The following CTDP1 variants were observed in gnomAD, a reference collection of about 807,000 sequenced individuals.
The protein encoded by CTDP1 is RNA polymerase II subunit A C-terminal domain phosphatase.
In CTDP1, 47 loss-of-function variants were observed where a neutral mutation model predicts 91.8. That is an observed-to-expected ratio of 0.51 (90% CI 0.41 to 0.65). CTDP1 has a LOEUF of 0.65. Ranked by LOEUF, CTDP1 falls within the 30% of genes least tolerant of loss-of-function variation. CTDP1 has a pLI of 0.00. For missense variants in CTDP1, 1,272 were observed against 1,373.7 expected (o/e 0.93, Z 1.17); for synonymous variants, 656 against 598.5 (o/e 1.10, Z -1.40).
chr18:79,754,195 G>A lies in CTDP1; in HGVS notation c.*405G>A, dbSNP rs983597376. On this transcript the variant is annotated 3_prime_UTR_variant, in exon 13 of 13. Coordinates refer to ENST00000613122, the MANE Select transcript of CTDP1 (RefSeq NM_004715.5). ...TTTAAGCAGGACAGTGTGCGTGCACGAGCTCCGAGCCCAGCACAGACATGC... is the reference window on the plus strand; with the variant it reads ...TTTAAGCAGGACAGTGTGCGTGCACAAGCTCCGAGCCCAGCACAGACATGC... 3.5e-6 allele frequency: 1 copy of A among 287,916 alleles called. No individual in the cohort carries two copies. Among genetic ancestry groups the A allele is most frequent in the South Asian group, 3.3e-5 (1 of 30,014 alleles). The allele number at this position is 287,916 out of a possible 1,614,324, so 17.8% of individuals were successfully genotyped here. A position where few individuals can be genotyped will look rare whatever the true frequency, so the allele number is the denominator to read the frequency against.
At chr18:79,731,854 T>A (rs1490002840) in intron 11 of CTDP1, among the ~76,000 whole-genome samples, 1 of 152,166 alleles carries the variant, frequency 6.6e-6, no homozygotes, top group Non-Finnish European at 1.5e-5. Flanking sequence ...CCAGGAGTGC[T>A]CCCAAGATCA....
Position 79,713,523 on chromosome 18 carries a change from T to A in CTDP1, c.1030+385T>A, listed in dbSNP as rs1004020750. Among the ~76,000 whole-genome samples the A allele has an allele frequency of 3.3e-5, 5 of 152,318 alleles. 1 individual carries two copies. Among genetic ancestry groups the A allele is most frequent in the African/African-American group, 1.2e-4 (5 of 41,578 alleles). On this transcript the variant is annotated intron_variant, in intron 7 of 12. Coordinates refer to ENST00000613122, the MANE Select transcript of CTDP1 (RefSeq NM_004715.5). The surrounding 1 kb of genome is among the most constrained non-coding windows in gnomAD (Gnocchi z 4.7). ...CTCTGCGGGGAATAACCGTTCCCCA[T>A]GCGCAGTGGTCAGGCTGGGCGCTGG...
rs966149398 is a variant in CTDP1, at chr18:79,754,355, C to T, written c.*565C>T. The stretch of plus-strand genomic sequence containing the variant: ...CACGTGGCCTGGGCTGCCATCCTGC[C>T]GTCCTCCCACTGGCATCCTGGCAAG... On this transcript the variant is annotated 3_prime_UTR_variant, in exon 13 of 13. Transcript: ENST00000613122. 6.4e-6 allele frequency: 1 copy of T among 155,972 alleles called. No individual in the cohort carries two copies. Among genetic ancestry groups the T allele is most frequent in the Non-Finnish European group, 1.4e-5 (1 of 70,034 alleles). 9.7% of individuals were successfully genotyped at this position (155,972 alleles called of 1,614,324 possible).
At chr18:79,703,963 A>G (rs1000195130) in intron 4 of CTDP1, among the ~76,000 whole-genome samples, 1 of 151,998 alleles carries the variant, frequency 6.6e-6, no homozygotes, top group African/African-American at 2.4e-5. Flanking sequence ...GCAGGTAGCT[A>G]TTGTGAGTAG....
chr18:79,716,641 TCTCTC>T (rs1397205455), intron 8 of CTDP1, among the ~76,000 whole-genome samples: 1 of 152,114 alleles, frequency 6.6e-6, no homozygotes, highest in Non-Finnish European at 1.5e-5. Flanking sequence ...TCCTGACCCT[TCTCTC>T]CTGAGCATGG....
chr18:79,695,968 C>A lies in CTDP1; in HGVS notation c.399-9C>A, dbSNP rs751267062. 5.0e-6 allele frequency: 8 copies of A among 1,610,564 alleles called. No homozygotes were observed. The highest frequency in any genetic ancestry group is 1.3e-5 in the African/African-American group (1 of 74,904). On this transcript the variant is annotated splice_polypyrimidine_tract_variant and intron_variant, in intron 2 of 12. Coordinates refer to ENST00000613122, the MANE Select transcript of CTDP1 (RefSeq NM_004715.5). ...GCTGAAAGCCCTGAACCTGTCCTTG[C>A]ACTTGCAGGTTGCAGAGTAAGAACG...
At chr18:79,722,420 T>C (rs1475240880) in intron 10 of CTDP1, among the ~76,000 whole-genome samples, 1 of 152,166 alleles carries the variant, frequency 6.6e-6, no homozygotes, top group Non-Finnish European at 1.5e-5. Context: ...TTTGATGAAA[T>C]TTTCTTCTGT....
At chr18:79,754,989 G>A (rs1395770164), downstream of CTDP1, 1 of 152,322 alleles carries the variant, frequency 6.6e-6, no homozygotes, top group East Asian at 1.9e-4. Context: ...CTCGGGAGGT[G>A]GCACGTGTGA....
intron 12 of CTDP1, among the ~76,000 whole-genome samples, chr18:79,750,567 C>T (rs2086975733): frequency 6.6e-6 from 1 of 151,476 alleles, no homozygotes; most frequent in Non-Finnish European, 1.5e-5. Flanking sequence ...GATCTCAGCT[C>T]ACTGCAACTT....
At chr18:79,733,474 G>A (rs1165491547) in intron 11 of CTDP1, among the ~76,000 whole-genome samples, 7 of 152,168 alleles carry the variant, frequency 4.6e-5, no homozygotes, top group Admixed American at 2.0e-4. Context: ...ACACCCCTGC[G>A]GAAAAGCCTG....
At chr18:79,679,473 T>A (rs769402187), upstream of CTDP1, 1 of 455,602 alleles carries the variant, frequency 2.2e-6, no homozygotes, top group South Asian at 1.6e-5. Context: ...TCTCAGCGCG[T>A]GATGGGGTAA....
chr18:79,721,048 C>T (rs1157444226), intron 10 of CTDP1, among the ~76,000 whole-genome samples: 1 of 152,188 alleles, frequency 6.6e-6, no homozygotes, highest in Non-Finnish European at 1.5e-5. Flanking sequence ...GAGCATGGCA[C>T]GTGCCCTCTG....
At chr18:79,707,655 C>A (rs1004611353) in intron 5 of CTDP1, among the ~76,000 whole-genome samples, 22 of 152,224 alleles carry the variant, frequency 1.4e-4, no homozygotes, top group African/African-American at 5.3e-4. Context: ...TGCAGAAATT[C>A]TCAACAGAAC....
At chr18:79,755,810 C>G (rs1007099478), downstream of CTDP1, 4 of 152,534 alleles carry the variant, frequency 2.6e-5, no homozygotes, top group African/African-American at 9.7e-5. Flanking sequence ...GAACGGGGAC[C>G]TCTGCTGCTG....
intron 10 of CTDP1, among the ~76,000 whole-genome samples, chr18:79,720,527 A>T (rs628784): frequency 5.4e-5 from 8 of 147,770 alleles, no homozygotes; most frequent in African/African-American, 2.0e-4. Context: ...TGATGTCACC[A>T]CCCGTCATTA....
At chr18:79,705,109 G>A (rs567567457) in intron 5 of CTDP1, among the ~76,000 whole-genome samples, 192 bp downstream of exon 5, 8 of 152,300 alleles carry the variant, frequency 5.3e-5, no homozygotes, top group African/African-American at 1.9e-4. Context: ...GTGGGGCCGC[G>A]GCTGCTCTGG....
At chr18:79,755,444 GAAAAC>G (rs1352257920), downstream of CTDP1, 1 of 152,192 alleles carries the variant, frequency 6.6e-6, no homozygotes. Flanking sequence ...GAATTGGACA[GAAAAC>G]AAAAATAGAT....
At chr18:79,740,989 G>A (rs112838261) in intron 12 of CTDP1, among the ~76,000 whole-genome samples, 7 of 152,066 alleles carry the variant, frequency 4.6e-5, no homozygotes, top group South Asian at 4.2e-4. Context: ...GAGGTCCCCC[G>A]TGCGGTTGAT....
At chr18:79,719,688 G>A (rs1328089865) in intron 10 of CTDP1, among the ~76,000 whole-genome samples, 1 of 151,556 alleles carries the variant, frequency 6.6e-6, no homozygotes, top group East Asian at 2.0e-4. Flanking sequence ...GCGTCCTGGT[G>A]ATGATGTCAC....
Sources: gnomAD v4.1 joint callset for allele counts (sites outside exome capture counted in the v4.1 genomes callset) on GRCh38, gnomAD v4.1.1 for gene constraint, Gnocchi (gnomAD v3.1) non-coding constraint, MANE v1.5 for transcripts, NCBI Gene and HGNC (gene_info 2026-07-23, HGNC 2026-07-21) for gene names.